NELL1: variants seen among roughly 807,000 people sequenced by gnomAD.
The protein encoded by NELL1 is protein kinase C-binding protein NELL1.
In NELL1, 76 loss-of-function variants were observed where a neutral mutation model predicts 107.4. That is an observed-to-expected ratio of 0.71 (90% CI 0.59 to 0.86). The LOEUF (loss-of-function observed/expected upper bound fraction) is 0.86. Ranked by LOEUF, NELL1 falls within the 40% of genes least tolerant of loss-of-function variation. The pLI, the probability that NELL1 is intolerant of heterozygous loss-of-function variation, is 0.00. For synonymous variants in NELL1, 353 were observed against 341.2 expected (o/e 1.03, Z -0.38); for missense variants, 1,024 against 1,005.5 (o/e 1.02, Z -0.25).
At chr11:21,251,011 C>T (rs540130925) in intron 14 of NELL1, among the ~76,000 whole-genome samples, 1 of 152,166 alleles carries the variant, frequency 6.6e-6, no homozygotes, top group Non-Finnish European at 1.5e-5. Flanking sequence ...CTTTTGAGTC[C>T]TCGGTTCTGA....
chr11:21,032,417 T>C (rs1393231220), intron 12 of NELL1, among the ~76,000 whole-genome samples: 2 of 152,214 alleles, frequency 1.3e-5, no homozygotes, highest in Non-Finnish European at 2.9e-5. Flanking sequence ...TTAGACAGAA[T>C]CTCACTCTGT....
In NELL1 at chr11:21,573,227, A is replaced by G. The variant is rs1385770958; in HGVS notation, c.2200A>G (p.Ser734Gly). The G allele has an allele frequency of 1.2e-6, 2 of 1,612,086 alleles. No individual in the cohort carries two copies. The highest frequency in any genetic ancestry group is 1.7e-6 in the Non-Finnish European group (2 of 1,178,888). ...DCWPLTCPNL[S>G]CEYTAILEGE... Reference sequence around the variant, plus strand: ...CTGGCCACTCACTTGCCCCAACTTGAGCTGTGAGTATACAGCTATCTTAGA... The same window carrying G: ...CTGGCCACTCACTTGCCCCAACTTGGGCTGTGAGTATACAGCTATCTTAGA... The change falls in exon 19 of 20, where the codon AGC (serine) becomes GGC (glycine). Residue 734 changes from serine to glycine, a missense_variant. By Grantham distance (56) the Ser-to-Gly change is moderately conservative. Coordinates refer to ENST00000357134, the MANE Select transcript of NELL1 (RefSeq NM_006157.5).
chr11:21,053,075 A>G (rs1038094922), intron 12 of NELL1, among the ~76,000 whole-genome samples: 2 of 152,052 alleles, frequency 1.3e-5, no homozygotes, highest in Admixed American at 6.6e-5. Context: ...TCCCGTCCCA[A>G]CCTGAACAGT....
At chr11:21,040,067 T>G (rs935466279) in intron 12 of NELL1, among the ~76,000 whole-genome samples, 1 of 152,024 alleles carries the variant, frequency 6.6e-6, no homozygotes, top group Non-Finnish European at 1.5e-5. Context: ...CTCACCAGCC[T>G]AAAATTATCA....
At chr11:21,288,849 A>ATGAT (rs1223070428) in intron 14 of NELL1, among the ~76,000 whole-genome samples, 1 of 152,136 alleles carries the variant, frequency 6.6e-6, no homozygotes, top group African/African-American at 2.4e-5. Context: ...GTTGCTACTA[A>ATGAT]TGATTGTCAG....
At chr11:20,805,550 C>A (rs867548162) in intron 3 of NELL1, among the ~76,000 whole-genome samples, 3 of 152,092 alleles carry the variant, frequency 2.0e-5, no homozygotes, top group Admixed American at 6.5e-5. Context: ...GATGGAGTCT[C>A]GCTCTATTAC....
intron 13 of NELL1, among the ~76,000 whole-genome samples, chr11:21,124,417 A>G (rs1394410900): frequency 2.6e-5 from 4 of 152,312 alleles, no homozygotes; most frequent in Middle Eastern, 3.4e-3. Flanking sequence ...TGCATGGCCA[A>G]TATGGCAACT....
chr11:21,078,098 T>C lies in NELL1; in HGVS notation c.1301-35491T>C, dbSNP rs189860271. On this transcript the variant is annotated intron_variant, in intron 12 of 19. Transcript: ENST00000357134. ...ATAATTTTTTTCAAGGATACAAAATTCTATAGAGGAGGATAAAAGAATGAA... is the reference window on the plus strand; with the variant it reads ...ATAATTTTTTTCAAGGATACAAAATCCTATAGAGGAGGATAAAAGAATGAA... Among the ~76,000 whole-genome samples the C allele has an allele frequency of 2.9e-3, 435 of 152,106 alleles. 1 individual carries two copies. The highest frequency in any genetic ancestry group is 9.6e-3 in the African/African-American group (398 of 41,518).
intron 7 of NELL1, 101 bp downstream of exon 7, chr11:20,919,435 C>A: frequency 1.4e-6 from 1 of 695,428 alleles, no homozygotes; most frequent in Non-Finnish European, 2.5e-6. Context: ...GCCTCGGCAT[C>A]TGCTATATGT....
intron 12 of NELL1, among the ~76,000 whole-genome samples, chr11:21,106,622 G>T (rs562321060): frequency 5.1e-4 from 78 of 152,246 alleles, no homozygotes; most frequent in African/African-American, 1.8e-3. Context: ...AAGAGGAAAA[G>T]AAAGAGAGAG....
chr11:20,815,983 C>T (rs1857615260), intron 3 of NELL1, among the ~76,000 whole-genome samples: 1 of 152,038 alleles, frequency 6.6e-6, no homozygotes, highest in African/African-American at 2.4e-5. Context: ...GTTTCATTTT[C>T]AGGGTCTCCA....
chr11:21,514,984 T>G (rs920872416), intron 15 of NELL1, among the ~76,000 whole-genome samples: 1 of 152,182 alleles, frequency 6.6e-6, no homozygotes, highest in Non-Finnish European at 1.5e-5. Context: ...GAGGGGTTTC[T>G]TATAGCTTGC....
intron 14 of NELL1, chr11:21,259,956 A>C (rs1201627543): frequency 6.6e-6 from 1 of 151,910 alleles, no homozygotes; most frequent in Non-Finnish European, 1.5e-5. Flanking sequence ...TTACCACCAA[A>C]TATTTTATTA....
chr11:20,875,706 A>G (rs749776615), intron 4 of NELL1, among the ~76,000 whole-genome samples: 39 of 152,376 alleles, frequency 2.6e-4, no homozygotes, highest in Non-Finnish European at 4.6e-4. Flanking sequence ...CATAATCACA[A>G]TCATCTCAGA....
intron 16 of NELL1, among the ~76,000 whole-genome samples, chr11:21,547,176 T>G (rs1360033784): frequency 6.6e-6 from 1 of 151,950 alleles, no homozygotes; most frequent in Non-Finnish European, 1.5e-5. Flanking sequence ...GATGGCAATG[T>G]ATATGGTAAT....
chr11:20,785,377 C>T (rs535037919), intron 3 of NELL1, among the ~76,000 whole-genome samples: 3 of 152,288 alleles, frequency 2.0e-5, no homozygotes, highest in South Asian at 2.1e-4. Flanking sequence ...GATATGGGTT[C>T]GTTCAAAGGT....
intron 12 of NELL1, among the ~76,000 whole-genome samples, chr11:21,072,332 A>C (rs1342581410): frequency 6.6e-6 from 1 of 152,196 alleles, no homozygotes; most frequent in Non-Finnish European, 1.5e-5. Flanking sequence ...GAACAATCCA[A>C]GTTGAAATAT....
At chr11:21,014,028 C>T (rs1194155766) in intron 12 of NELL1, among the ~76,000 whole-genome samples, 2 of 152,012 alleles carry the variant, frequency 1.3e-5, no homozygotes, top group African/African-American at 4.8e-5. Context: ...ATTTATTTTA[C>T]ACTTAGGGTT....
At chr11:20,960,267 T>G (rs1851263224) in intron 11 of NELL1, among the ~76,000 whole-genome samples, 165 bp from the exon 12 acceptor site, 1 of 152,156 alleles carries the variant, frequency 6.6e-6, no homozygotes, top group African/African-American at 2.4e-5. Context: ...CAGCCCAAAG[T>G]TTCCTATATC....
Sources: gnomAD v4.1 joint callset for allele counts (sites outside exome capture counted in the v4.1 genomes callset) on GRCh38, gnomAD v4.1.1 for gene constraint, MANE v1.5 for transcripts, NCBI Gene and HGNC (gene_info 2026-07-23, HGNC 2026-07-21) for gene names.